MYO1H: variants seen among roughly 807,000 people sequenced by gnomAD.
The protein encoded by MYO1H is unconventional myosin-Ih.
MYO1H carries 118 observed loss-of-function variants against 149.3 expected under a neutral mutation model. The ratio of observed to expected loss-of-function variants is 0.79; its 90% confidence interval spans 0.68 to 0.92. The LOEUF is 0.92. MYO1H is among the 40% of genes least tolerant of loss of function. The pLI, the probability that MYO1H is intolerant of heterozygous loss-of-function variation, is 0.00. For synonymous variants in MYO1H, 447 were observed against 465.2 expected, an observed-to-expected ratio of 0.96 and a Z score of 0.50; for missense variants, 1,212 against 1,280.7, an observed-to-expected ratio of 0.95 and a Z score of 0.82.
chr12:109,372,964 C>T (rs966047628), intron 1 of MYO1H, among the ~76,000 whole-genome samples: 1 of 152,018 alleles, frequency 6.6e-6, no homozygotes, highest in Non-Finnish European at 1.5e-5. Flanking sequence ...TTATAGAAAT[C>T]TGGCACATTT....
At chr12:109,377,249 G>T (rs1869103450) in intron 1 of MYO1H, among the ~76,000 whole-genome samples, 1 of 152,138 alleles carries the variant, frequency 6.6e-6, no homozygotes, top group Admixed American at 6.6e-5. Flanking sequence ...GGTTTATTTG[G>T]CTTATAATTC....
chr12:109,432,782 C>T lies in MYO1H; in HGVS notation c.1950-115C>T. 17 of 788,422 alleles carry T rather than the reference C, an allele frequency of 2.2e-5. No individual in the cohort carries two copies. In the South Asian group the frequency reaches 2.4e-4, roughly 11 times the overall value. The allele number at this position is 788,422 out of a possible 1,614,324, so 48.8% of individuals were successfully genotyped here. The stretch of plus-strand genomic sequence containing the variant: ...GTTCGTGTAATGGGACTACTACATA[C>T]ACTGAGTGGCCGACATGCCACAGCA... On this transcript the variant is annotated intron_variant, in intron 19 of 31. Transcript: ENST00000310903.
chr12:109,341,796 G>A, the MYO1H span, among the ~76,000 whole-genome samples: 92 of 152,142 alleles, frequency 6.0e-4, no homozygotes, highest in Non-Finnish European at 1.2e-4. Context: ...AAGGCTTATT[G>A]TTTGACTCCC....
At chr12:109,358,829 G>T (rs533420002) in intron 1 of MYO1H, among the ~76,000 whole-genome samples, 71 of 136,154 alleles carry the variant, frequency 5.2e-4, no homozygotes, top group Non-Finnish European at 1.8e-4. Flanking sequence ...ACTTCTGGGG[G>T]AAGCATCCTG....
chr12:109,416,029 G>T (rs1012366889), intron 15 of MYO1H, among the ~76,000 whole-genome samples: 4 of 151,596 alleles, frequency 2.6e-5, no homozygotes, highest in African/African-American at 4.9e-5. Flanking sequence ...TGCAACCTCC[G>T]CCTCCCAGGT....
exon 20 of MYO1H, chr12:109,432,988 C>T: frequency 6.2e-7 from 1 of 1,613,988 alleles, no homozygotes. Context: ...CGGCTACAAA[C>T]CCGAGGAATA....
chr12:109,410,709 A>C (rs1870626027), exon 13 of MYO1H: 1 of 1,600,682 alleles, frequency 6.2e-7, no homozygotes, highest in African/African-American at 1.3e-5. Flanking sequence ...TAAATATTTC[A>C]ACAACAAGAT....
intron 4 of MYO1H, 132 bp downstream of exon 4, chr12:109,396,714 G>T (rs1156455936): frequency 3.0e-6 from 2 of 660,786 alleles, no homozygotes; most frequent in Non-Finnish European, 4.7e-6. Flanking sequence ...TAGTGTCACA[G>T]TTAAGGGTGT....
intron 9 of MYO1H, 69 bp downstream of exon 9, chr12:109,406,929 G>A: frequency 6.9e-7 from 1 of 1,448,166 alleles, no homozygotes; most frequent in Non-Finnish European, 9.7e-7. Context: ...ATAACAGCAG[G>A]GTGGTGGCCT....
At chr12:109,411,018 T>A (rs1870642892) in intron 13 of MYO1H, among the ~76,000 whole-genome samples, 1 of 152,184 alleles carries the variant, frequency 6.6e-6, no homozygotes, top group South Asian at 2.1e-4. Flanking sequence ...GGCATGCGCC[T>A]GTAGTCCCAG....
chr12:109,406,869 G>A lies in MYO1H; in HGVS notation c.1035+9G>A. On this transcript the variant is annotated intron_variant, in intron 9 of 31. Coordinates refer to ENST00000310903, the Ensembl canonical transcript of MYO1H. ...AAGCCAAAACTGAGGAGGTAAAAAT[G>A]GCTATAGGTGGAAATGTGCCAGCCC... The A allele has an allele frequency of 6.2e-7, 1 of 1,612,682 alleles. No individual in the cohort carries two copies. Among genetic ancestry groups the A allele is most frequent in the Non-Finnish European group, 8.5e-7 (1 of 1,178,846 alleles).
chr12:109,414,391 C>T (rs141097061), intron 14 of MYO1H, among the ~76,000 whole-genome samples: 9,563 of 149,156 alleles, frequency 0.064, 383 homozygotes, highest in Admixed American at 0.1. Context: ...GCAGGAGAAT[C>T]GTCTGAACTC....
chr12:109,327,994 A>C, the MYO1H span, among the ~76,000 whole-genome samples: 2,059 of 151,816 alleles, frequency 0.014, 38 homozygotes, highest in East Asian at 0.061. Flanking sequence ...TGTTTGATAT[A>C]CCACTTAGAA....
chr12:109,438,336 G>C (rs1389538937), intron 22 of MYO1H, among the ~76,000 whole-genome samples, 200 bp from the exon 23 acceptor site: 1 of 152,072 alleles, frequency 6.6e-6, no homozygotes, highest in Non-Finnish European at 1.5e-5. Context: ...CCTCTGTTCT[G>C]TCTCCCCCTG....
chr12:109,442,247 A>T, exon 27 of MYO1H: 4 of 1,613,926 alleles, frequency 2.5e-6, no homozygotes, highest in Non-Finnish European at 3.4e-6. Context: ...AAAGTGCTTC[A>T]GCTAATTAGC....
In MYO1H at chr12:109,443,108, A is replaced by G. The variant is rs201501096; in HGVS notation, c.2689-406A>G. ...TATGTGTGTATATATGTGTACGTATATGTGTGTATATGTGTACGTATATAT... is the reference window on the plus strand; with the variant it reads ...TATGTGTGTATATATGTGTACGTATGTGTGTGTATATGTGTACGTATATAT... On this transcript the variant is annotated intron_variant, in intron 27 of 31. Coordinates refer to ENST00000310903, the Ensembl canonical transcript of MYO1H. Among the ~76,000 whole-genome samples the G allele has an allele frequency of 2.0e-3, 142 of 71,072 alleles. 32 individuals carry two copies. Among genetic ancestry groups the G allele is most frequent in the African/African-American group, 3.7e-3 (53 of 14,458 alleles). The allele number at this position is 71,072 out of a possible 152,430, so 46.6% of individuals were successfully genotyped here.
At chr12:109,435,400 C>A (rs1228850112) in intron 21 of MYO1H, among the ~76,000 whole-genome samples, 1 of 152,160 alleles carries the variant, frequency 6.6e-6, no homozygotes, top group East Asian at 1.9e-4. Flanking sequence ...CGTGAGAGAC[C>A]AGCCCCTTGA....
intron 1 of MYO1H, 27 bp from the exon 2 acceptor site, chr12:109,388,656 T>A: frequency 6.6e-7 from 1 of 1,517,332 alleles, no homozygotes; most frequent in Admixed American, 2.0e-5. Context: ...ATAGATGAGC[T>A]GCTGAAGAAT....
intron 1 of MYO1H, among the ~76,000 whole-genome samples, chr12:109,366,047 G>A (rs1187976401): frequency 6.6e-6 from 1 of 152,158 alleles, no homozygotes; most frequent in African/African-American, 2.4e-5. Flanking sequence ...ATCTCAGGTG[G>A]AGCAGGAGTT....
Sources: gnomAD v4.1 joint callset for allele counts (sites outside exome capture counted in the v4.1 genomes callset) on GRCh38, gnomAD v4.1.1 for gene constraint, MANE v1.5 for transcripts, NCBI Gene and HGNC (gene_info 2026-07-23, HGNC 2026-07-21) for gene names.